ADD2: variants seen among roughly 807,000 people sequenced by gnomAD.
ADD2 encodes the protein adducin 2.
In ADD2, 23 loss-of-function variants were observed where a neutral mutation model predicts 83.0. The observed-to-expected ratio is 0.28, with a 90% confidence interval of 0.20 to 0.39. ADD2 has a LOEUF of 0.39. Among genes scored for constraint, ADD2 ranks in the 10% least tolerant of loss-of-function variants. The pLI, the probability that ADD2 is intolerant of heterozygous loss-of-function variation, is 1.00. For missense variants in ADD2, 758 were observed against 944.9 expected (o/e 0.80, Z 2.59); for synonymous variants, 375 against 375.4 (o/e 1.00, Z 0.01).
intron 1 of ADD2, among the ~76,000 whole-genome samples, chr2:70,740,191 A>C (rs1308095487): frequency 6.6e-6 from 1 of 152,216 alleles, no homozygotes; most frequent in Non-Finnish European, 1.5e-5. Context: ...AGTAAACCCC[A>C]TAATGAAAGT....
intron 8 of ADD2, 30 bp from the exon 9 acceptor site, chr2:70,688,152 C>T (rs782186226): frequency 1.3e-6 from 2 of 1,576,904 alleles, no homozygotes; most frequent in East Asian, 2.2e-5. Context: ...CAATTAAAAC[C>T]TTAAGTCCTC....
At position 70,677,893 on chromosome 2, in the gene ADD2, G is replaced by A; in HGVS notation, c.1384-16C>T. On this transcript the variant is annotated splice_polypyrimidine_tract_variant and intron_variant, in intron 11 of 15. Transcript: ENST00000264436. ...CCTTCATCCACTGCACAAACACAAG[G>A]TCATGGGGCTGAGGTGAGGGAACAG... 1 of 1,614,086 alleles carries A rather than the reference G, an allele frequency of 6.2e-7. No homozygotes were observed. The highest frequency in any genetic ancestry group is 8.5e-7 in the Non-Finnish European group (1 of 1,179,994).
rs1310949471 is a variant in ADD2 at position 70,659,345 on chromosome 2, T to G, written c.*4080A>C. 1.3e-5 allele frequency: 2 copies of G among 152,088 alleles called. No individual in the cohort carries two copies. Among genetic ancestry groups the G allele is most frequent in the African/African-American group, 4.8e-5 (2 of 41,392 alleles). The allele number at this position is 152,088 out of a possible 1,614,324, so 9.4% of individuals were successfully genotyped here. On this transcript the variant is annotated 3_prime_UTR_variant, in exon 16 of 16. Coordinates refer to ENST00000264436, the MANE Select transcript of ADD2 (RefSeq NM_001617.4). ...CAATCAAAGAAGTGGATTTATAGCA[T>G]TTTCCCCCACACTAGCAGTAGCCCT...
rs970900790 is a variant in ADD2 at position 70,677,847 on chromosome 2, T to C, written c.1414A>G (p.Ser472Gly). Residue 472 changes from serine (S) to glycine (G), a missense_variant, in exon 12 of 16, where the codon AGC becomes GGC. By Grantham distance (56) the Ser-to-Gly change is moderately conservative. Transcript: ENST00000264436. ...TCGATGCGAATCGGCATGCCACTGC[T>C]GGATTTCTCCACCTCGTCAGCCTTC... Reference protein sequence around the residue: ...WMKADEVEKSSSGMPIRIENP... With the variant: ...WMKADEVEKSGSGMPIRIENP... 1.2e-6 allele frequency: 2 copies of C among 1,614,256 alleles called. No homozygotes were observed. Among genetic ancestry groups the C allele is most frequent in the Middle Eastern group, 1.6e-4 (1 of 6,062 alleles).
Position 70,674,999 on chromosome 2 carries a change from T to C in ADD2, c.1594-174A>G. 6 of 1,338,292 alleles carry C rather than the reference T, an allele frequency of 4.5e-6. No homozygotes were observed. In the South Asian group the frequency reaches 1.2e-4, roughly 26 times the overall value. 82.9% of individuals were successfully genotyped at this position (1,338,292 alleles called of 1,614,324 possible). A position where few individuals can be genotyped will look rare whatever the true frequency, so the allele number is the denominator to read the frequency against. The stretch of plus-strand genomic sequence containing the variant: ...GGTAGGGATTGTTCTTTCCTCCCCA[T>C]TGCTACCTTACCCCTAGATTTTGCA... On this transcript the variant is annotated intron_variant, in intron 13 of 15. Transcript: ENST00000264436.
chr2:70,738,376 C>T (rs781961826), intron 1 of ADD2, among the ~76,000 whole-genome samples: 1 of 152,138 alleles, frequency 6.6e-6, no homozygotes, highest in Non-Finnish European at 1.5e-5. Context: ...ATTTACTCAT[C>T]GAGATCTATG....
intron 9 of ADD2, among the ~76,000 whole-genome samples, chr2:70,686,130 C>T (rs1227122432): frequency 4.6e-5 from 7 of 152,240 alleles, no homozygotes; most frequent in Non-Finnish European, 1.0e-4. Context: ...CCAAAAATGA[C>T]CTGGCTAGGG....
Position 70,706,960 on chromosome 2 carries a change from C to A in ADD2, c.-34-518G>T, listed in dbSNP as rs1298146975. On this transcript the variant is annotated intron_variant, in intron 2 of 15. Transcript: ENST00000264436. This position sits in a 1 kb window ranked among gnomAD's most constrained non-coding sequence, Gnocchi z 5.0. Reference sequence around the variant, plus strand: ...CCATGGCACACATTTACCTATGTAACAAACCTGCACATCCTGCACACGTAT... The same window carrying A: ...CCATGGCACACATTTACCTATGTAAAAAACCTGCACATCCTGCACACGTAT... 6.6e-6 allele frequency among the ~76,000 whole-genome samples: 1 copy of A among 152,076 alleles called. No homozygotes were observed. The highest frequency in any genetic ancestry group is 2.4e-5 in the African/African-American group (1 of 41,388).
rs1239847867 is a variant in ADD2, at chr2:70,659,141, C to T, written c.*4284G>A. ...GCCTGGGCAACAAAGAGCAAAGCTC[C>T]GTCTAAAAAAAAAAAAAAAAAAAAA... On this transcript the variant is annotated 3_prime_UTR_variant, in exon 16 of 16. Coordinates refer to ENST00000264436, the MANE Select transcript of ADD2 (RefSeq NM_001617.4). 4 of 106,356 alleles carry T rather than the reference C, an allele frequency of 3.8e-5. No homozygotes were observed. The highest frequency in any genetic ancestry group is 3.9e-5 in the African/African-American group (1 of 25,420). 6.6% of individuals were successfully genotyped at this position (106,356 alleles called of 1,614,324 possible). A position where few individuals can be genotyped will look rare whatever the true frequency, so the allele number is the denominator to read the frequency against.
intron 15 of ADD2, among the ~76,000 whole-genome samples, chr2:70,664,780 C>A (rs1675699981): frequency 6.6e-6 from 1 of 151,158 alleles, no homozygotes; most frequent in South Asian, 2.1e-4. Flanking sequence ...TGTGAGTGGG[C>A]AGGTTGTGTG....
chr2:70,722,196 G>T (rs1672761949), intron 1 of ADD2, among the ~76,000 whole-genome samples: 1 of 152,122 alleles, frequency 6.6e-6, no homozygotes, highest in Non-Finnish European at 1.5e-5. Context: ...CCAAGCCCAG[G>T]TGTTGATTTG....
At position 70,686,171 on chromosome 2, in the gene ADD2, T is replaced by A. The variant is rs1370061038; in HGVS notation, c.948+1853A>T. ...CTCCCAGCGGCACCTGCAGTCACTG[T>A]TACCTAGGCTCTTTCATGCCCTGAT... On this transcript the variant is annotated intron_variant, in intron 9 of 15. Coordinates refer to ENST00000264436, the MANE Select transcript of ADD2 (RefSeq NM_001617.4). Among the ~76,000 whole-genome samples the A allele has an allele frequency of 6.6e-5, 10 of 152,216 alleles. 1 individual carries two copies. The highest frequency in any genetic ancestry group is 6.5e-4 in the Admixed American group (10 of 15,282).
chr2:70,762,920 G>A (rs1292026924), intron 1 of ADD2, among the ~76,000 whole-genome samples: 1 of 151,492 alleles, frequency 6.6e-6, no homozygotes, highest in Non-Finnish European at 1.5e-5. Flanking sequence ...TGGCCAGGCT[G>A]GTCTGGAACT....
intron 14 of ADD2, 36 bp from the exon 15 acceptor site, chr2:70,673,042 A>G (rs528446480): frequency 1.3e-6 from 2 of 1,598,724 alleles, no homozygotes; most frequent in South Asian, 2.3e-5. Context: ...GATAGAGGTC[A>G]AATAGAGAAG....
intron 10 of ADD2, among the ~76,000 whole-genome samples, chr2:70,679,718 G>T (rs566999962): frequency 6.6e-6 from 1 of 151,822 alleles, no homozygotes; most frequent in African/African-American, 2.4e-5. Context: ...AGGAAAAAAC[G>T]GAATTTTATG....
chr2:70,735,259 C>G (rs1364199814), intron 1 of ADD2, among the ~76,000 whole-genome samples: 5 of 151,998 alleles, frequency 3.3e-5, no homozygotes, highest in Admixed American at 1.3e-4. Context: ...ACCCTGTGAA[C>G]ACACAGGATG....
At chr2:70,728,532 A>C (rs1037819912) in intron 1 of ADD2, among the ~76,000 whole-genome samples, 21 of 152,234 alleles carry the variant, frequency 1.4e-4, no homozygotes, top group African/African-American at 5.1e-4. Flanking sequence ...ATACCAAATC[A>C]ATCCAGTTTG....
At chr2:70,708,354 C>G (rs1672011282) in intron 2 of ADD2, among the ~76,000 whole-genome samples, 1 of 152,168 alleles carries the variant, frequency 6.6e-6, no homozygotes, top group Non-Finnish European at 1.5e-5. Context: ...AATAGCATCA[C>G]CTGGGAACTT....
At chr2:70,753,848 T>C (rs553416296) in intron 1 of ADD2, among the ~76,000 whole-genome samples, 2 of 152,338 alleles carry the variant, frequency 1.3e-5, no homozygotes, top group African/African-American at 4.8e-5. Flanking sequence ...TCCTCCAAAA[T>C]GTCCTCATGT....
Sources: allele counts gnomAD v4.1 joint callset (sites outside exome capture counted in the v4.1 genomes callset), GRCh38; gene constraint gnomAD v4.1.1; non-coding constraint Gnocchi (gnomAD v3.1); transcripts MANE v1.5; gene names NCBI Gene and HGNC (gene_info 2026-07-23, HGNC 2026-07-21).